PAMR1: variants seen among roughly 807,000 people sequenced by gnomAD.
PAMR1 encodes inactive serine protease PAMR1.
A neutral mutation model predicts 81.8 loss-of-function variants in PAMR1; 88 were observed. The ratio of observed to expected loss-of-function variants is 1.08; its 90% CI spans 0.91 to 1.28. The LOEUF is 1.28. PAMR1 is among the 50% of genes most tolerant of loss of function. The pLI, the probability that PAMR1 is intolerant of heterozygous loss-of-function variation, is 0.00. For missense variants in PAMR1, 935 were observed against 919.7 expected (o/e 1.02, Z -0.21); for synonymous variants, 336 against 345.3 (o/e 0.97, Z 0.30).
At chr11:35,441,405 A>C (rs2135342087) in intron 7 of PAMR1, 76 bp downstream of exon 7, 1 of 1,058,852 alleles carries the variant, frequency 9.4e-7, no homozygotes, top group Non-Finnish European at 1.4e-6. Context: ...AGGGGCTTAA[A>C]AACATGCAAA....
rs573670695 is a variant in PAMR1, at chr11:35,469,501, G to C, written c.712+1100C>G. On this transcript the variant is annotated intron_variant, in intron 5 of 10. Transcript: ENST00000619888. ...CCTGCAGGGTGTCACCAAGGGAAGA[G>C]GATTCAGCCACAGGCTGATCACACC... Among the ~76,000 whole-genome samples the C allele has an allele frequency of 2.6e-5, 4 of 152,302 alleles. No homozygotes were observed. In the East Asian group the frequency reaches 7.7e-4, roughly 29 times the overall value.
chr11:35,491,979 T>C lies in PAMR1; in HGVS notation c.379+66A>G, dbSNP rs1220316574. 10 of 1,389,664 alleles carry C rather than the reference T, an allele frequency of 7.2e-6. No individual in the cohort carries two copies. In the Middle Eastern group the frequency reaches 1.1e-3, roughly 158 times the overall value. 86.1% of individuals were successfully genotyped at this position (1,389,664 alleles called of 1,614,324 possible). ...CAGATTCCAAGGAGATAAATTTTGG[T>C]CCATTGTAAGCTGAGACTTTAAGAC... On this transcript the variant is annotated intron_variant, in intron 3 of 10. Coordinates refer to ENST00000619888, the MANE Select transcript of PAMR1 (RefSeq NM_001001991.3).
chr11:35,475,198 C>A (rs961565548), intron 3 of PAMR1, among the ~76,000 whole-genome samples: 3 of 152,178 alleles, frequency 2.0e-5, no homozygotes, highest in African/African-American at 4.8e-5. Context: ...CACTTTCCTC[C>A]ACCATCCAGG....
At position 35,439,696 on chromosome 11, in the gene PAMR1, A is replaced by T. The variant is rs889748428; in HGVS notation, c.1034-3T>A. 2.2e-5 allele frequency: 36 copies of T among 1,612,290 alleles called. No individual in the cohort carries two copies. Among genetic ancestry groups the T allele is most frequent in the Non-Finnish European group, 2.9e-5 (34 of 1,178,410 alleles). On this transcript the variant is annotated splice_polypyrimidine_tract_variant and splice_region_variant and intron_variant, in intron 7 of 10. Transcript: ENST00000619888. ...TGAAATCTTTGGTTCTCGGCAGGCT[A>T]GAAATAAAAAAGACAATGCTGCATG...
intron 3 of PAMR1, among the ~76,000 whole-genome samples, chr11:35,491,827 T>G (rs1481020592): frequency 6.6e-6 from 1 of 152,032 alleles, no homozygotes; most frequent in African/African-American, 2.4e-5. Context: ...GATTGAAGAG[T>G]AGACATAAAC....
At chr11:35,453,491 A>C (rs998019552) in intron 6 of PAMR1, 1 of 148,758 alleles carries the variant, frequency 6.7e-6, no homozygotes, top group Non-Finnish European at 1.5e-5. Context: ...CTTACCTCTC[A>C]TTTATTTTCT....
In PAMR1 at chr11:35,511,739, C is replaced by T. The variant is rs1390885937; in HGVS notation, c.73+13774G>A. 4.6e-5 allele frequency among the ~76,000 whole-genome samples: 7 copies of T among 152,206 alleles called. No homozygotes were observed. The East Asian group carries it at 1.3e-3, about 29-fold the overall frequency. ...CTTGGGCTCCTCACCCATCCCTACT[C>T]ACTGCCCCCTCATCTTGTGCTGTCT... is the stretch of plus-strand genomic sequence containing the variant. On this transcript the variant is annotated intron_variant, in intron 1 of 10. Coordinates refer to ENST00000619888, the MANE Select transcript of PAMR1 (RefSeq NM_001001991.3).
chr11:35,506,382 C>T (rs1373408014), intron 1 of PAMR1, among the ~76,000 whole-genome samples: 1 of 149,974 alleles, frequency 6.7e-6, no homozygotes, highest in Non-Finnish European at 1.5e-5. Flanking sequence ...GGGTTTTATA[C>T]CTTCAAAAAA....
chr11:35,447,505 C>T (rs1417793124), intron 6 of PAMR1, among the ~76,000 whole-genome samples: 1 of 152,134 alleles, frequency 6.6e-6, no homozygotes, highest in Non-Finnish European at 1.5e-5. Context: ...GCCTGGCCTT[C>T]CTCCATCCTT....
intron 6 of PAMR1, among the ~76,000 whole-genome samples, chr11:35,448,574 G>A (rs2135350802): frequency 6.6e-6 from 1 of 152,184 alleles, no homozygotes; most frequent in African/African-American, 2.4e-5. Context: ...TCTTTGCATT[G>A]GGTTAGAACT....
At chr11:35,438,964 G>A (rs139513314) in intron 8 of PAMR1, among the ~76,000 whole-genome samples, 1 of 152,328 alleles carries the variant, frequency 6.6e-6, no homozygotes, top group East Asian at 1.9e-4. Context: ...GACAGAAGGA[G>A]CCACAGTGTA....
Position 35,432,192 on chromosome 11 carries a change from TG to T in PAMR1, c.*163del. 1 of 631,378 alleles carries T rather than the reference TG, an allele frequency of 1.6e-6. No homozygotes were observed. Among genetic ancestry groups the T allele is most frequent in the Non-Finnish European group, 2.8e-6 (1 of 362,812 alleles). 39.1% of individuals were successfully genotyped at this position (631,378 alleles called of 1,614,324 possible). On this transcript the variant is annotated 3_prime_UTR_variant, in exon 11 of 11. Transcript: ENST00000619888. Reference sequence around the variant, plus strand: ...GGACGCGGCATCAGCCTACCAGCAATGGAGGTCTACTCACCCTTCACTGAGT... The same window carrying T: ...GGACGCGGCATCAGCCTACCAGCAATGAGGTCTACTCACCCTTCACTGAGT...
At chr11:35,524,576 G>A (rs1259069676) in intron 1 of PAMR1, among the ~76,000 whole-genome samples, 4 of 152,146 alleles carry the variant, frequency 2.6e-5, no homozygotes, top group Admixed American at 6.5e-5. Flanking sequence ...GGGAAGCAGC[G>A]AAGGCTCGTA....
At chr11:35,447,485 G>A (rs1346851519) in intron 6 of PAMR1, among the ~76,000 whole-genome samples, 1 of 152,086 alleles carries the variant, frequency 6.6e-6, no homozygotes, top group Non-Finnish European at 1.5e-5. Context: ...TTACAGGCGT[G>A]AGCCATTGCG....
At chr11:35,495,861 C>T (rs1590375840) in intron 1 of PAMR1, among the ~76,000 whole-genome samples, 1 of 152,140 alleles carries the variant, frequency 6.6e-6, no homozygotes, top group East Asian at 1.9e-4. Context: ...CAGACACTCG[C>T]ACAATGAGGG....
At chr11:35,485,819 C>T (rs1285174885) in intron 3 of PAMR1, among the ~76,000 whole-genome samples, 1 of 152,012 alleles carries the variant, frequency 6.6e-6, no homozygotes, top group Admixed American at 6.5e-5. Flanking sequence ...TGCCCAGGCT[C>T]TTCAGAGACA....
intron 4 of PAMR1, among the ~76,000 whole-genome samples, chr11:35,472,904 A>C (rs1012172792): frequency 6.6e-6 from 1 of 152,170 alleles, no homozygotes; most frequent in African/African-American, 2.4e-5. Context: ...AGCCTCTGAA[A>C]GGTTTCAACA....
intron 5 of PAMR1, among the ~76,000 whole-genome samples, chr11:35,468,919 T>C (rs1856803859): frequency 6.6e-6 from 1 of 152,218 alleles, no homozygotes; most frequent in African/African-American, 2.4e-5. Flanking sequence ...CAAACCTGTC[T>C]TGAGTACTTG....
At chr11:35,500,505 A>G (rs1200831330) in intron 1 of PAMR1, among the ~76,000 whole-genome samples, 1 of 152,236 alleles carries the variant, frequency 6.6e-6, no homozygotes, top group Non-Finnish European at 1.5e-5. Flanking sequence ...GACCCCACAA[A>G]TACATAATCA....
Sources: allele counts gnomAD v4.1 joint callset (sites outside exome capture counted in the v4.1 genomes callset), GRCh38; gene constraint gnomAD v4.1.1; transcripts MANE v1.5; gene names NCBI Gene and HGNC (gene_info 2026-07-23, HGNC 2026-07-21).